The following IRF4 variants were observed in gnomAD, a reference collection of about 807,000 sequenced individuals.
IRF4 encodes the protein interferon regulatory factor 4, also known as lymphocyte-specific interferon regulatory factor.
A neutral mutation model predicts 55.5 loss-of-function variants in IRF4; 13 were observed. That is an observed-to-expected ratio of 0.23 (90% confidence interval 0.15 to 0.37). The LOEUF (loss-of-function observed/expected upper bound fraction) is 0.37, where lower values mean the gene tolerates loss of function less well. IRF4 is among the 10% of genes least tolerant of loss of function. The pLI is 1.00. For missense variants in IRF4, 397 were observed against 593.8 expected, an observed-to-expected ratio of 0.67 and a Z score of 3.44; for synonymous variants, 249 against 240.7, an observed-to-expected ratio of 1.03 and a Z score of -0.32.
At chr6:399,542 C>T (rs66885372) in intron 6 of IRF4, among the ~76,000 whole-genome samples, 9,905 of 150,560 alleles carry the variant, frequency 0.066, 360 homozygotes, top group Middle Eastern at 0.086. Flanking sequence ...GAGATCTTAC[C>T]TACTATAAAG....
At chr6:402,494 C>T (rs988613338) in intron 7 of IRF4, among the ~76,000 whole-genome samples, 11 of 152,264 alleles carry the variant, frequency 7.2e-5, no homozygotes, top group Non-Finnish European at 1.5e-4. Context: ...AACTCTTCCT[C>T]TGCCTTTTCC....
Position 409,150 on chromosome 6 carries a change from C to A in IRF4, c.*1552C>A, listed in dbSNP as rs937407073. 9.5e-6 allele frequency: 2 copies of A among 210,406 alleles called. No homozygotes were observed. Among genetic ancestry groups the A allele is most frequent in the Non-Finnish European group, 1.9e-5 (2 of 103,398 alleles). The allele number at this position is 210,406 out of a possible 1,614,324, so 13.0% of individuals were successfully genotyped here. A position where few individuals can be genotyped will look rare whatever the true frequency, so the allele number is the denominator to read the frequency against. On this transcript the variant is annotated 3_prime_UTR_variant, in exon 9 of 9. Transcript: ENST00000380956. ...TATTTTAAATTCATTCAACAAGCAC[C>A]TAGTAAGTGCCTGCTGTATCCCTAC...
At chr6:392,981 G>C in intron 1 of IRF4, 117 bp from the exon 2 acceptor site, 4 of 591,060 alleles carry the variant, frequency 6.8e-6, no homozygotes, top group Non-Finnish European at 5.6e-6. Flanking sequence ...GACACGGCAC[G>C]CGCGCGCTTC....
In IRF4 at chr6:408,657, G is replaced by A. The variant is rs1167978787; in HGVS notation, c.*1059G>A. The stretch of plus-strand genomic sequence containing the variant: ...CTTGAACTGTTGCCCTTCTGTCCAA[G>A]TACTTAACTATCTGTTCCCTTCCTC... On this transcript the variant is annotated 3_prime_UTR_variant, in exon 9 of 9. Transcript: ENST00000380956. The A allele has an allele frequency of 8.7e-6, 2 of 229,640 alleles. No homozygotes were observed. The highest frequency in any genetic ancestry group is 8.6e-6 in the Non-Finnish European group (1 of 115,764). The allele number at this position is 229,640 out of a possible 1,614,324, so 14.2% of individuals were successfully genotyped here.
intron 6 of IRF4, 127 bp downstream of exon 6, chr6:399,062 T>C (rs890941644): frequency 7.3e-6 from 4 of 549,830 alleles, no homozygotes; most frequent in East Asian, 2.8e-5. Context: ...CTGGAGTAGA[T>C]GTAGACACAT....
At chr6:407,375 C>T in intron 8 of IRF4, 80 bp from the exon 9 acceptor site, 2 of 1,300,638 alleles carry the variant, frequency 1.5e-6, no homozygotes, top group Admixed American at 2.3e-5. Flanking sequence ...GTTACTGTCT[C>T]CTTAGAATCT....
In IRF4 at chr6:405,841, A is replaced by G. The variant is rs533573618; in HGVS notation, c.1212+711A>G. ...AGATAACATGAAGCATTAATTTGCC[A>G]TGGGAAACAGAATCTTGAACCCTTA... On this transcript the variant is annotated intron_variant, in intron 8 of 8. Transcript: ENST00000380956. Among the ~76,000 whole-genome samples the G allele has an allele frequency of 2.6e-5, 4 of 152,336 alleles. No individual in the cohort carries two copies. The South Asian group carries it at 8.3e-4, about 32-fold the overall frequency.
chr6:393,301 T>G lies in IRF4; in HGVS notation c.149T>G (p.Phe50Cys). ...TGGGAGAACGAGGAGAAGAGCATCT[T>G]CCGCATCCCCTGGAAGCACGCGGGC... is the stretch of plus-strand genomic sequence containing the variant. Reference protein sequence around the residue: ...LVWENEEKSIFRIPWKHAGKQ... With the variant: ...LVWENEEKSICRIPWKHAGKQ... The change falls in exon 2 of 9, where the codon TTC (phenylalanine) becomes TGC (cysteine). Residue 50 changes from phenylalanine (F) to cysteine (C), a missense_variant. Phe to Cys is a radical substitution (Grantham distance 205). Around this residue, in one of 3 missense-constraint regions of IRF4, gnomAD observed 341 missense variants for 548.1 expected, o/e 0.62. Coordinates refer to ENST00000380956, the MANE Select transcript of IRF4 (RefSeq NM_002460.4). The surrounding 1 kb of genome is among the most constrained non-coding windows in gnomAD (Gnocchi z 5.4). 3 of 1,608,172 alleles carry G rather than the reference T, an allele frequency of 1.9e-6. No homozygotes were observed. Among genetic ancestry groups the G allele is most frequent in the Non-Finnish European group, 2.5e-6 (3 of 1,177,680 alleles).
chr6:395,704 G>A (rs948582674), intron 3 of IRF4, 143 bp from the exon 4 acceptor site: 3 of 663,200 alleles, frequency 4.5e-6, no homozygotes, highest in Non-Finnish European at 2.6e-6. Flanking sequence ...TCCCAAGGGA[G>A]TTGCTGAAAA....
rs144142298 is a variant in IRF4 at position 400,146 on chromosome 6, T to C, written c.745+1211T>C. On this transcript the variant is annotated intron_variant, in intron 6 of 8. Transcript: ENST00000380956. The stretch of plus-strand genomic sequence containing the variant: ...TTGAAGCAGAGAATTGAGACAGTGA[T>C]GTGGGTTAAGTCTCAAAACCTGCTG... 6.3e-4 allele frequency among the ~76,000 whole-genome samples: 96 copies of C among 152,312 alleles called. 1 individual carries two copies. The South Asian group carries it at 0.011, about 18-fold the overall frequency.
intron 3 of IRF4, 46 bp downstream of exon 3, chr6:395,053 T>C (rs1581222531): frequency 7.0e-7 from 1 of 1,420,216 alleles, no homozygotes; most frequent in Middle Eastern, 1.8e-4. Context: ...GGCAGCCAGA[T>C]CCTTGAGGCA....
At chr6:399,257 A>G (rs1287933429) in intron 6 of IRF4, among the ~76,000 whole-genome samples, 1 of 152,180 alleles carries the variant, frequency 6.6e-6, no homozygotes, top group Non-Finnish European at 1.5e-5. Context: ...TTCAGCCAAC[A>G]TTCTCACGAT....
Position 411,339 on chromosome 6 carries a change from G to A in IRF4, c.*3741G>A, listed in dbSNP as rs545920386. The A allele has an allele frequency of 9.1e-5, 20 of 218,700 alleles. No individual in the cohort carries two copies. The highest frequency in any genetic ancestry group is 3.8e-4 in the African/African-American group (17 of 44,592). The allele number at this position is 218,700 out of a possible 1,614,324, so 13.5% of individuals were successfully genotyped here. On this transcript the variant is annotated 3_prime_UTR_variant, in exon 9 of 9. Transcript: ENST00000380956. ...CTGAGGTAGATAATGCTATGCTGTC[G>A]TTGGTATACATCATGAATTTTTATG...
chr6:395,100 C>T (rs1208045400), intron 3 of IRF4, 93 bp downstream of exon 3: 1 of 1,019,488 alleles, frequency 9.8e-7, no homozygotes, highest in Non-Finnish European at 1.4e-6. Context: ...TCTAGCTTTC[C>T]TTTTGTATTG....
At chr6:395,081 G>T in intron 3 of IRF4, 74 bp downstream of exon 3, 1 of 1,192,300 alleles carries the variant, frequency 8.4e-7, no homozygotes, top group Non-Finnish European at 1.2e-6. Context: ...TTCATTCTGA[G>T]CATCACTTTC....
rs1761579463 is a variant in IRF4, at chr6:407,587, A to G, written c.1345A>G (p.Ile449Val). 2 of 1,592,576 alleles carry G rather than the reference A, an allele frequency of 1.3e-6. No homozygotes were observed. The highest frequency in any genetic ancestry group is 1.8e-5 in the Admixed American group (1 of 54,706). The change falls in exon 9 of 9, where the codon ATT becomes GTT. Residue 449 changes from isoleucine to valine, a missense_variant. By Grantham distance (29) the Ile-to-Val change is conservative. Transcript: ENST00000380956. ...CCACAGATCTATCCGCCATTCCTCT[A>G]TTCAAGAATGAAAAATGTCAAGATG... Reference protein sequence around the residue: ...DYHRSIRHSSIQE With the variant: ...DYHRSIRHSSVQE
chr6:399,132 C>T (rs1761339392), intron 6 of IRF4, among the ~76,000 whole-genome samples, 197 bp downstream of exon 6: 1 of 152,194 alleles, frequency 6.6e-6, no homozygotes, highest in Non-Finnish European at 1.5e-5. Flanking sequence ...GACATCACTG[C>T]TTGTGGTTCT....
chr6:402,187 C>CA lies in IRF4; in HGVS notation c.1099+411dup, dbSNP rs144241466. Among the ~76,000 whole-genome samples the CA allele has an allele frequency of 4.9e-4, 75 of 152,272 alleles. 1 individual carries two copies. In the East Asian group the frequency reaches 0.013, roughly 27 times the overall value. On this transcript the variant is annotated intron_variant, in intron 7 of 8. Coordinates refer to ENST00000380956, the MANE Select transcript of IRF4 (RefSeq NM_002460.4). ...TGTCACCCTCATGCAGATGCTGGCC[C>CA]ACGAGTGAGACGGAGGGTGGAGTGG...
At chr6:403,136 C>A (rs905508107) in intron 7 of IRF4, among the ~76,000 whole-genome samples, 2 of 152,254 alleles carry the variant, frequency 1.3e-5, no homozygotes, top group Admixed American at 6.5e-5. Context: ...AGGAAGTCAC[C>A]TGGGGCTGGA....
Sources: gnomAD v4.1 joint callset for allele counts (sites outside exome capture counted in the v4.1 genomes callset) on GRCh38, gnomAD v4.1.1 for gene constraint, gnomAD v4.1.1 regional missense constraint, Gnocchi (gnomAD v3.1) non-coding constraint, MANE v1.5 for transcripts, NCBI Gene and HGNC (gene_info 2026-07-23, HGNC 2026-07-21) for gene names.